PXDN: variants seen among roughly 807,000 people sequenced by gnomAD.
PXDN encodes the protein peroxidasin, also known as peroxidasin homolog.
A neutral mutation model predicts 140.3 loss-of-function variants in PXDN; 77 were observed. The ratio of observed to expected loss-of-function variants is 0.55; its 90% CI spans 0.46 to 0.66. The LOEUF (loss-of-function observed/expected upper bound fraction) is 0.66. Among genes scored for constraint, PXDN ranks in the 30% least tolerant of loss-of-function variants. PXDN has a pLI of 0.00. For synonymous variants in PXDN, 911 were observed against 857.4 expected, an observed-to-expected ratio of 1.06 and a Z score of -1.09; for missense variants, 1,838 against 2,039.5, an observed-to-expected ratio of 0.90 and a Z score of 1.90.
At chr2:1,723,299 T>C (rs940218384) in intron 1 of PXDN, among the ~76,000 whole-genome samples, 7 of 151,826 alleles carry the variant, frequency 4.6e-5, no homozygotes, top group Admixed American at 3.9e-4. Flanking sequence ...ATGAATGCAT[T>C]AATGGATGGA....
intron 1 of PXDN, among the ~76,000 whole-genome samples, chr2:1,716,575 C>T (rs757413663): frequency 2.6e-5 from 4 of 150,956 alleles, no homozygotes; most frequent in Admixed American, 6.6e-5. Context: ...TGGGAGGTGG[C>T]GGGCAGGCTG....
chr2:1,664,913 C>T, intron 11 of PXDN, 45 bp downstream of exon 11: 1 of 1,466,696 alleles, frequency 6.8e-7, no homozygotes. Context: ...CTTCCTGCGT[C>T]TGTGGCCGCG....
At position 1,644,746 on chromosome 2, in the gene PXDN, A is replaced by G; in HGVS notation, c.3615T>C (p.Tyr1205=). ...ACAGGTCGATGTTGAGTGTCGAGCCATACAACCTAAAAAATAAAGAGAAAA... is the reference window on the plus strand; with the variant it reads ...ACAGGTCGATGTTGAGTGTCGAGCCGTACAACCTAAAAAATAAAGAGAAAA... The part of the protein sequence containing the change: ...PEIREKLKRL[Y]GSTLNIDLFP... The change falls in exon 18 of 23, where the codon TAT becomes TAC. Residue 1205 remains tyrosine (Y), a synonymous_variant. Transcript: ENST00000252804. The G allele has an allele frequency of 3.3e-6, 5 of 1,529,490 alleles. No homozygotes were observed. The East Asian group carries it at 9.4e-5, about 29-fold the overall frequency. The allele number at this position is 1,529,490 out of a possible 1,614,324, so 94.7% of individuals were successfully genotyped here.
At chr2:1,678,960 T>A (rs529416625) in intron 7 of PXDN, among the ~76,000 whole-genome samples, 1 of 152,196 alleles carries the variant, frequency 6.6e-6, no homozygotes, top group African/African-American at 2.4e-5. Context: ...GCCCCTGACA[T>A]AGCTCCAGCA....
chr2:1,705,491 G>A (rs1040799444), intron 1 of PXDN, among the ~76,000 whole-genome samples: 4 of 150,978 alleles, frequency 2.6e-5, no homozygotes, highest in African/African-American at 9.7e-5. Flanking sequence ...ACAGGGTGCA[G>A]GGTGCGGCTC....
intron 9 of PXDN, among the ~76,000 whole-genome samples, chr2:1,668,712 T>G (rs1683506335): frequency 6.6e-6 from 1 of 152,052 alleles, no homozygotes; most frequent in Admixed American, 6.5e-5. Flanking sequence ...TCATCATCAC[T>G]GGTCATTAGA....
intron 4 of PXDN, among the ~76,000 whole-genome samples, chr2:1,684,850 G>A (rs1684011859): frequency 6.6e-6 from 1 of 152,118 alleles, no homozygotes; most frequent in Non-Finnish European, 1.5e-5. Context: ...TGAAAAGTGG[G>A]TTTTTTCCTC....
At chr2:1,699,871 C>T (rs1464163282) in intron 1 of PXDN, among the ~76,000 whole-genome samples, 3 of 152,146 alleles carry the variant, frequency 2.0e-5, no homozygotes, top group Non-Finnish European at 4.4e-5. Flanking sequence ...AAGTTACTCT[C>T]ATGATGTGAT....
rs1415195897 is a variant in PXDN, at chr2:1,655,343, ACAC to A, written c.1838-838_1838-836del. Among the ~76,000 whole-genome samples the A allele has an allele frequency of 6.3e-4, 95 of 150,712 alleles. 1 individual carries two copies. Among genetic ancestry groups the A allele is most frequent in the African/African-American group, 2.0e-3 (82 of 40,998 alleles). The stretch of plus-strand genomic sequence containing the variant: ...CCACACACAGATACATACCACACAC[ACAC>A]CACACATATAGTACATTATACACAC... On this transcript the variant is annotated intron_variant, in intron 14 of 22. Transcript: ENST00000252804.
intron 1 of PXDN, among the ~76,000 whole-genome samples, chr2:1,731,686 C>T (rs1558531098): frequency 6.6e-6 from 1 of 152,170 alleles, no homozygotes; most frequent in East Asian, 1.9e-4. Context: ...TGACACATCC[C>T]ACAGAGCTCA....
In PXDN at chr2:1,631,918, C is replaced by T. The variant is rs1427600284; in HGVS notation, c.*2286G>A. On this transcript the variant is annotated 3_prime_UTR_variant, in exon 23 of 23. Coordinates refer to ENST00000252804, the MANE Select transcript of PXDN (RefSeq NM_012293.3). Reference sequence around the variant, plus strand: ...TGAAAATGTGACCCATTTATTTGAACTGAAAGGCATCATTACAAAGTGCAA... The same window carrying T: ...TGAAAATGTGACCCATTTATTTGAATTGAAAGGCATCATTACAAAGTGCAA... The T allele has an allele frequency of 6.6e-6, 1 of 152,502 alleles. No individual in the cohort carries two copies. The allele number at this position is 152,502 out of a possible 1,614,324, so 9.4% of individuals were successfully genotyped here. A position where few individuals can be genotyped will look rare whatever the true frequency, so the allele number is the denominator to read the frequency against.
In PXDN at chr2:1,632,815, C is replaced by T. The variant is rs537585862; in HGVS notation, c.*1389G>A. On this transcript the variant is annotated 3_prime_UTR_variant, in exon 23 of 23. Transcript: ENST00000252804. This position sits in a 1 kb window ranked among gnomAD's most constrained non-coding sequence, Gnocchi z 4.3. Reference sequence around the variant, plus strand: ...GAAACGGCCCCTGACCTCAGGGGCTCCCTCCACCACCTCAGCTGGGCCTTG... The same window carrying T: ...GAAACGGCCCCTGACCTCAGGGGCTTCCTCCACCACCTCAGCTGGGCCTTG... 2 of 152,404 alleles carry T rather than the reference C, an allele frequency of 1.3e-5. No homozygotes were observed. Among genetic ancestry groups the T allele is most frequent in the South Asian group, 2.1e-4 (1 of 4,832 alleles). The allele number at this position is 152,404 out of a possible 1,614,324, so 9.4% of individuals were successfully genotyped here. A position where few individuals can be genotyped will look rare whatever the true frequency, so the allele number is the denominator to read the frequency against.
At position 1,648,413 on chromosome 2, in the gene PXDN, C is replaced by G. The variant is rs1186843770; in HGVS notation, c.3367G>C (p.Gly1123Arg). ...GGCACACGCATTTTCCCCGCCACCC[C>G]GAACAGCCCCCTGAGAAGCGGATCG... ...GIDPLLRGLF[G>R]VAGKMRVPSQ... Residue 1123 changes from glycine to arginine, a missense_variant, in exon 17 of 23, where the codon GGG becomes CGG. Around this residue, in one of 5 missense-constraint regions of PXDN, gnomAD observed 850 missense variants for 894.1 expected, o/e 0.95. Coordinates refer to ENST00000252804, the MANE Select transcript of PXDN (RefSeq NM_012293.3). This position sits in a 1 kb window ranked among gnomAD's most constrained non-coding sequence, Gnocchi z 8.9. 1 of 1,611,810 alleles carries G rather than the reference C, an allele frequency of 6.2e-7. No homozygotes were observed. The highest frequency in any genetic ancestry group is 1.7e-5 in the Admixed American group (1 of 60,018).
Position 1,639,369 on chromosome 2 carries a change from G to A in PXDN, c.4006C>T (p.Arg1336Trp), listed in dbSNP as rs902903845. ...NAFSYHFRGR[R>W]SLEFSYQEDK... ...TCCTGGTAGCTGAACTCAAGAGACC[G>A]TCTGCCTCGGAAATGATAGGAAAAG... Residue 1336 changes from arginine (R) to tryptophan (W), a missense_variant, in exon 20 of 23, where the codon CGG (arginine) becomes TGG (tryptophan). Physicochemically the swap from Arg to Trp is moderately radical, Grantham distance 101 (BLOSUM62 -3). Coordinates refer to ENST00000252804, the MANE Select transcript of PXDN (RefSeq NM_012293.3). The surrounding 1 kb of genome is among the most constrained non-coding windows in gnomAD (Gnocchi z 5.0). 6 of 1,614,000 alleles carry A rather than the reference G, an allele frequency of 3.7e-6. No homozygotes were observed. Among genetic ancestry groups the A allele is most frequent in the South Asian group, 1.1e-5 (1 of 91,080 alleles).
In PXDN at chr2:1,651,752, G is replaced by A. The variant is rs1210120098; in HGVS notation, c.2104+1876C>T. On this transcript the variant is annotated intron_variant, in intron 16 of 22. Transcript: ENST00000252804. The surrounding 1 kb of genome is among the most constrained non-coding windows in gnomAD (Gnocchi z 4.4). ...CCATGGGGAACAGCACCCCATCCCA[G>A]CCAGGGCACCACCCACCTCCCGCCT... 1.3e-5 allele frequency among the ~76,000 whole-genome samples: 2 copies of A among 152,248 alleles called. No homozygotes were observed. Among genetic ancestry groups the A allele is most frequent in the Non-Finnish European group, 2.9e-5 (2 of 68,008 alleles).
At chr2:1,634,468 T>A in intron 22 of PXDN, 145 bp from the exon 23 acceptor site, 1 of 1,086,422 alleles carries the variant, frequency 9.2e-7, no homozygotes, top group Non-Finnish European at 1.3e-6. Flanking sequence ...GTACTTGCCC[T>A]GTGGGCATGG....
At chr2:1,724,431 G>T (rs1338780121) in intron 1 of PXDN, among the ~76,000 whole-genome samples, 6 of 148,736 alleles carry the variant, frequency 4.0e-5, no homozygotes, top group Non-Finnish European at 7.4e-5. Context: ...AGACTTTCTT[G>T]TGAAACTTGT....
intron 15 of PXDN, 145 bp from the exon 16 acceptor site, chr2:1,653,930 G>T: frequency 1.0e-6 from 1 of 997,148 alleles, no homozygotes; most frequent in Non-Finnish European, 1.4e-6. Context: ...CTCATCCGAA[G>T]TGGGAGGCAA....
In PXDN at chr2:1,648,820, A is replaced by C. The variant is rs1004462912; in HGVS notation, c.2960T>G (p.Met987Arg). The change falls in exon 17 of 23, where the codon ATG (methionine) becomes AGG (arginine). Residue 987 changes from methionine (M) to arginine (R), a missense_variant. By Grantham distance (91) the Met-to-Arg change is moderately conservative. This residue lies in a region of PXDN where 850 missense variants were observed against 894.1 expected (regional missense o/e 0.95). Transcript: ENST00000252804. The surrounding 1 kb of genome is among the most constrained non-coding windows in gnomAD (Gnocchi z 8.9). Reference protein sequence around the residue: ...RANEQLGLTSMHTLWFREHNR... With the variant: ...RANEQLGLTSRHTLWFREHNR... ...GTGCTCGCGGAACCACAGCGTGTGC[A>C]TGCTGGTCAGGCCCAGCTGCTCGTT... The C allele has an allele frequency of 1.2e-6, 2 of 1,602,706 alleles. No individual in the cohort carries two copies. The highest frequency in any genetic ancestry group is 2.7e-5 in the African/African-American group (2 of 74,750).
Sources: allele counts gnomAD v4.1 joint callset (sites outside exome capture counted in the v4.1 genomes callset), GRCh38; gene constraint gnomAD v4.1.1; regional missense constraint gnomAD v4.1.1; non-coding constraint Gnocchi (gnomAD v3.1); transcripts MANE v1.5; gene names NCBI Gene and HGNC (gene_info 2026-07-23, HGNC 2026-07-21).